The following CDH18 variants were observed in gnomAD, a reference collection of about 807,000 sequenced individuals.
The protein encoded by CDH18 is cadherin-18.
A neutral mutation model predicts 67.9 loss-of-function variants in CDH18; 31 were observed. The ratio of observed to expected loss-of-function variants is 0.46; its 90% CI spans 0.34 to 0.62. The LOEUF (loss-of-function observed/expected upper bound fraction) is 0.62. CDH18 is among the 20% of genes least tolerant of loss of function. The pLI, the probability that CDH18 is intolerant of heterozygous loss-of-function variation, is 0.01. For missense variants in CDH18, 890 were observed against 975.5 expected, an observed-to-expected ratio of 0.91 and a Z score of 1.17; for synonymous variants, 362 against 347.2, an observed-to-expected ratio of 1.04 and a Z score of -0.48.
At chr5:19,683,103 CTCTA>C (rs70950083) in intron 5 of CDH18, among the ~76,000 whole-genome samples, 5,350 of 149,138 alleles carry the variant, frequency 0.036, 290 homozygotes, top group African/African-American at 0.12. Context: ...CAACATATAA[CTCTA>C]TCTATCTATC....
chr5:19,812,957 G>A (rs531152672), intron 3 of CDH18, among the ~76,000 whole-genome samples: 1 of 152,204 alleles, frequency 6.6e-6, no homozygotes, highest in South Asian at 2.1e-4. Flanking sequence ...ATAATATGCA[G>A]CCATGAAAAA....
chr5:19,488,850 AC>A (rs374593219), intron 11 of CDH18, among the ~76,000 whole-genome samples: 24 of 152,218 alleles, frequency 1.6e-4, no homozygotes, highest in African/African-American at 5.8e-4. Context: ...GTATTCTCTG[AC>A]TTCCCTTTCT....
intron 2 of CDH18, among the ~76,000 whole-genome samples, chr5:20,039,799 T>C (rs906169474): frequency 1.3e-5 from 2 of 152,086 alleles, no homozygotes; most frequent in African/African-American, 2.4e-5. Flanking sequence ...AAAGACTTCA[T>C]GACTAAAACA....
intron 2 of CDH18, among the ~76,000 whole-genome samples, chr5:20,195,630 A>C (rs1002053609): frequency 6.6e-6 from 1 of 152,080 alleles, no homozygotes; most frequent in Admixed American, 6.6e-5. Context: ...GTCAATAAAT[A>C]TGCTATCCTT....
At chr5:20,447,650 G>T (rs974740568) in intron 1 of CDH18, among the ~76,000 whole-genome samples, 9 of 152,016 alleles carry the variant, frequency 5.9e-5, no homozygotes, top group African/African-American at 2.2e-4. Flanking sequence ...CTGTCCTCCC[G>T]CAATATCTTT....
chr5:19,849,907 A>G (rs1406821728), intron 2 of CDH18, among the ~76,000 whole-genome samples: 3 of 151,682 alleles, frequency 2.0e-5, no homozygotes, highest in Non-Finnish European at 2.9e-5. Context: ...AGTTGAAGAT[A>G]CTAAGATATA....
At chr5:19,809,899 A>C (rs1778458523) in intron 3 of CDH18, among the ~76,000 whole-genome samples, 1 of 152,202 alleles carries the variant, frequency 6.6e-6, no homozygotes, top group South Asian at 2.1e-4. Context: ...ATGTACCAGG[A>C]TCAAATCTCC....
intron 2 of CDH18, among the ~76,000 whole-genome samples, chr5:20,101,302 T>G (rs1468475039): frequency 1.3e-5 from 2 of 152,156 alleles, no homozygotes; most frequent in Non-Finnish European, 2.9e-5. Context: ...ATTGGTTTCA[T>G]TAAAAAACAA....
At position 20,026,814 on chromosome 5, in the gene CDH18, G is replaced by A. The variant is rs1254811364; in HGVS notation, c.-517-34800C>T. On this transcript the variant is annotated intron_variant, in intron 2 of 14. Transcript: ENST00000507958. ...TCTACTAAAAATACAAAAATTAGCC[G>A]GGCATGGTGGTGGGCACCTGTAGTC... 6.6e-5 allele frequency among the ~76,000 whole-genome samples: 10 copies of A among 151,982 alleles called. No homozygotes were observed. The East Asian group carries it at 1.6e-3, about 24-fold the overall frequency.
At chr5:20,309,237 T>C (rs1736777383) in intron 1 of CDH18, among the ~76,000 whole-genome samples, 1 of 152,220 alleles carries the variant, frequency 6.6e-6, no homozygotes, top group Non-Finnish European at 1.5e-5. Context: ...CAGAGAAGCA[T>C]GTGGGATTTT....
At chr5:19,776,270 C>T (rs184728860) in intron 3 of CDH18, among the ~76,000 whole-genome samples, 295 of 152,236 alleles carry the variant, frequency 1.9e-3, no homozygotes, top group Non-Finnish European at 3.3e-3. Context: ...GTTTTCTTTT[C>T]CACCTACTCA....
chr5:19,832,322 A>C (rs940063224), intron 3 of CDH18, among the ~76,000 whole-genome samples: 1 of 152,120 alleles, frequency 6.6e-6, no homozygotes, highest in African/African-American at 2.4e-5. Flanking sequence ...CTATAGATAC[A>C]AAAATTTCAA....
chr5:19,893,126 C>T (rs370203033), intron 2 of CDH18, among the ~76,000 whole-genome samples: 1 of 152,084 alleles, frequency 6.6e-6, no homozygotes, highest in Non-Finnish European at 1.5e-5. Flanking sequence ...ACAGCTCCCT[C>T]TGCCCCTCTG....
chr5:19,473,172 T>TA lies in CDH18; in HGVS notation c.*53_*54insT, dbSNP rs1051224758. The TA allele has an allele frequency of 1.9e-6, 3 of 1,578,178 alleles. No homozygotes were observed. Among genetic ancestry groups the TA allele is most frequent in the Non-Finnish European group, 2.6e-6 (3 of 1,160,878 alleles). ...ACTTCTTCCTTGTCATTGCTGAGGTTGTATATCCACTTACTCAGGAAGCAA... is the reference window on the plus strand; with the variant it reads ...ACTTCTTCCTTGTCATTGCTGAGGTTAGTATATCCACTTACTCAGGAAGCAA... On this transcript the variant is annotated 3_prime_UTR_variant, in exon 13 of 13. Transcript: ENST00000382275.
At chr5:19,490,396 T>TG (rs1340620314) in intron 11 of CDH18, among the ~76,000 whole-genome samples, 4 of 22,008 alleles carry the variant, frequency 1.8e-4, no homozygotes, top group African/African-American at 4.7e-4. Flanking sequence ...AAAAATCTGT[T>TG]TTTTTTTTTT....
chr5:19,673,035 A>T (rs1400613682), intron 5 of CDH18, among the ~76,000 whole-genome samples: 1 of 152,038 alleles, frequency 6.6e-6, no homozygotes, highest in Non-Finnish European at 1.5e-5. Context: ...TCAATCAAGG[A>T]CAAGAAAATA....
At chr5:19,835,459 TTTTG>T (rs1335171015) in intron 3 of CDH18, among the ~76,000 whole-genome samples, 7 of 151,984 alleles carry the variant, frequency 4.6e-5, no homozygotes, top group South Asian at 4.1e-4. Context: ...TATCCCTTTT[TTTTG>T]TTTGTTTGTT....
intron 3 of CDH18, among the ~76,000 whole-genome samples, chr5:19,791,163 T>G (rs1776310953): frequency 6.6e-6 from 1 of 152,054 alleles, no homozygotes; most frequent in African/African-American, 2.4e-5. Flanking sequence ...ATTAGAAACA[T>G]AAATCTTTCA....
At chr5:20,542,833 C>A (rs1000090620) in intron 1 of CDH18, among the ~76,000 whole-genome samples, 10 of 151,896 alleles carry the variant, frequency 6.6e-5, no homozygotes, top group African/African-American at 2.2e-4. Context: ...TGTACTAATT[C>A]TCCAATATTT....
Sources: allele counts gnomAD v4.1 joint callset (sites outside exome capture counted in the v4.1 genomes callset), GRCh38; gene constraint gnomAD v4.1.1; transcripts MANE v1.5; gene names NCBI Gene and HGNC (gene_info 2026-07-23, HGNC 2026-07-21).